Variants in XRN2 observed in about 807,000 individuals in gnomAD.
XRN2 encodes 5'-3' exoribonuclease 2, also known as DHM1-like protein.
In XRN2, 44 loss-of-function variants were observed where a neutral mutation model predicts 138.5. That is an observed-to-expected ratio of 0.32 (90% CI 0.25 to 0.41). The LOEUF (loss-of-function observed/expected upper bound fraction) is 0.41, where lower values mean the gene tolerates loss of function less well. XRN2 is among the 10% of genes least tolerant of loss of function. The probability of loss-of-function intolerance (pLI) is 1.00; values close to 1 mark genes in which losing one functional copy is unlikely to be tolerated. For synonymous variants in XRN2, 354 were observed against 369.4 expected (o/e 0.96, Z 0.48); for missense variants, 937 against 1,169.3 (o/e 0.80, Z 2.90).
intron 27 of XRN2, among the ~76,000 whole-genome samples, chr20:21,375,432 A>G (rs1285046289): frequency 6.6e-6 from 1 of 151,960 alleles, no homozygotes; most frequent in Non-Finnish European, 1.5e-5. Flanking sequence ...CAATATATGC[A>G]CTTCAGTGTT....
intron 20 of XRN2, among the ~76,000 whole-genome samples, chr20:21,352,194 T>A (rs1844009546): frequency 6.6e-6 from 1 of 152,218 alleles, no homozygotes; most frequent in Non-Finnish European, 1.5e-5. Flanking sequence ...CTCATACATG[T>A]TTTTAAAACT....
intron 1 of XRN2, among the ~76,000 whole-genome samples, chr20:21,316,656 G>A (rs952701865): frequency 7.2e-5 from 11 of 152,068 alleles, no homozygotes; most frequent in Admixed American, 3.9e-4. Context: ...GTTTATCCTT[G>A]TCCCAGTACC....
chr20:21,352,915 C>T (rs1380981104), intron 20 of XRN2, among the ~76,000 whole-genome samples: 1 of 151,788 alleles, frequency 6.6e-6, no homozygotes, highest in African/African-American at 2.4e-5. Flanking sequence ...AAGAAGTGTT[C>T]AGAAAACAGT....
At chr20:21,356,516 A>C (rs1600704603) in intron 22 of XRN2, 70 bp from the exon 23 acceptor site, 2 of 1,401,184 alleles carry the variant, frequency 1.4e-6, no homozygotes, top group African/African-American at 2.9e-5. Context: ...TGCTATGAAC[A>C]CTCAAGAATC....
chr20:21,372,670 T>C (rs1383888835), intron 27 of XRN2, among the ~76,000 whole-genome samples: 1 of 152,178 alleles, frequency 6.6e-6, no homozygotes, highest in Non-Finnish European at 1.5e-5. Flanking sequence ...ATATAGTTTT[T>C]TATTGAAATG....
chr20:21,333,890 A>G, intron 11 of XRN2, 47 bp from the exon 12 acceptor site: 2 of 1,614,086 alleles, frequency 1.2e-6, no homozygotes, highest in East Asian at 2.2e-5. Flanking sequence ...TCTTGACTTT[A>G]CTGTGCCTAC....
Position 21,307,460 on chromosome 20 carries a change from C to T in XRN2, c.75+3987C>T, listed in dbSNP as rs1328027960. On this transcript the variant is annotated intron_variant, in intron 1 of 29. Coordinates refer to ENST00000377191, the MANE Select transcript of XRN2 (RefSeq NM_012255.5). The stretch of plus-strand genomic sequence containing the variant: ...CTCTGGCTTTCCTTGAAACCTCCCC[C>T]AACCTTTGGTGTTTTTGCAGCTTTG... 3.9e-5 allele frequency among the ~76,000 whole-genome samples: 3 copies of T among 76,318 alleles called. 1 individual carries two copies. The highest frequency in any genetic ancestry group is 1.1e-4 in the African/African-American group (3 of 27,834). The allele number at this position is 76,318 out of a possible 152,430, so 50.1% of individuals were successfully genotyped here. A position where few individuals can be genotyped will look rare whatever the true frequency, so the allele number is the denominator to read the frequency against.
intron 1 of XRN2, among the ~76,000 whole-genome samples, chr20:21,323,295 G>T (rs1324469601): frequency 6.6e-6 from 1 of 152,128 alleles, no homozygotes; most frequent in African/African-American, 2.4e-5. Flanking sequence ...CAGTAGATTT[G>T]TTTGTTTGTT....
chr20:21,376,760 G>A (rs149775187), intron 27 of XRN2, among the ~76,000 whole-genome samples: 109 of 152,300 alleles, frequency 7.2e-4, no homozygotes, highest in African/African-American at 2.5e-3. Context: ...ATGCCTGGGT[G>A]CTTACTGAGG....
intron 4 of XRN2, among the ~76,000 whole-genome samples, chr20:21,329,304 A>G (rs932055716): frequency 5.9e-5 from 9 of 152,158 alleles, no homozygotes; most frequent in African/African-American, 2.2e-4. Flanking sequence ...TAAGCCTCAG[A>G]GAAAAGGAAG....
intron 27 of XRN2, among the ~76,000 whole-genome samples, chr20:21,380,577 G>A (rs2038872777): frequency 6.6e-6 from 1 of 152,212 alleles, no homozygotes; most frequent in Non-Finnish European, 1.5e-5. Flanking sequence ...GGAGTGTGTA[G>A]TAGTCAGCAT....
Position 21,339,151 on chromosome 20 carries a change from G to A in XRN2, c.1278+63G>A, listed in dbSNP as rs1032358271. On this transcript the variant is annotated intron_variant, in intron 14 of 29. Transcript: ENST00000377191. The stretch of plus-strand genomic sequence containing the variant: ...TAATTTTACAATTTATGAGGAAGAT[G>A]TTCATTACAGTAGCTTTATTCCTTG... The A allele has an allele frequency of 4.7e-6, 7 of 1,478,290 alleles. No homozygotes were observed. The African/African-American group carries it at 9.8e-5, about 21-fold the overall frequency. The allele number at this position is 1,478,290 out of a possible 1,614,324, so 91.6% of individuals were successfully genotyped here. A position where few individuals can be genotyped will look rare whatever the true frequency, so the allele number is the denominator to read the frequency against.
chr20:21,366,612 T>C (rs2038707658), intron 26 of XRN2, among the ~76,000 whole-genome samples: 1 of 151,506 alleles, frequency 6.6e-6, no homozygotes, highest in Non-Finnish European at 1.5e-5. Flanking sequence ...TTCACACATA[T>C]ATTTTTGTCT....
intron 1 of XRN2, among the ~76,000 whole-genome samples, chr20:21,306,955 G>C (rs1029205688): frequency 1.3e-5 from 1 of 76,382 alleles, no homozygotes; most frequent in Admixed American, 1.6e-4. Context: ...GCAGTGAGCC[G>C]AGATCCCGCC....
chr20:21,310,754 AT>A (rs1054098514), intron 1 of XRN2, among the ~76,000 whole-genome samples: 13 of 147,950 alleles, frequency 8.8e-5, no homozygotes, highest in African/African-American at 3.0e-4. Context: ...TTTATTTTTT[AT>A]TTTTTTTGAG....
chr20:21,353,657 T>C (rs1461142056), intron 20 of XRN2, among the ~76,000 whole-genome samples: 1 of 152,002 alleles, frequency 6.6e-6, no homozygotes, highest in Non-Finnish European at 1.5e-5. Context: ...CTGGGTGTGG[T>C]GGTGGCATGT....
Position 21,365,409 on chromosome 20 carries a change from G to C in XRN2, c.2256-12G>C. On this transcript the variant is annotated splice_polypyrimidine_tract_variant and intron_variant, in intron 24 of 29. Transcript: ENST00000377191. Reference sequence around the variant, plus strand: ...TAATCAGATCATTGAATTGTTTCTTGTTCTTTTCCAGTATTAATTTTAAAG... The same window carrying C: ...TAATCAGATCATTGAATTGTTTCTTCTTCTTTTCCAGTATTAATTTTAAAG... 6.2e-7 allele frequency: 1 copy of C among 1,610,864 alleles called. No homozygotes were observed. The highest frequency in any genetic ancestry group is 8.5e-7 in the Non-Finnish European group (1 of 1,178,660).
chr20:21,386,114 A>G (rs546705475), intron 28 of XRN2, among the ~76,000 whole-genome samples: 10 of 152,354 alleles, frequency 6.6e-5, no homozygotes, highest in African/African-American at 2.4e-4. Flanking sequence ...GTTGCTTTGC[A>G]TCTGCAAAGT....
chr20:21,316,713 A>G (rs1361378685), intron 1 of XRN2, among the ~76,000 whole-genome samples: 2 of 152,156 alleles, frequency 1.3e-5, no homozygotes, highest in African/African-American at 2.4e-5. Flanking sequence ...GAATTTGTCA[A>G]TCAGTTTGGG....
Sources: allele counts gnomAD v4.1 joint callset (sites outside exome capture counted in the v4.1 genomes callset), GRCh38; gene constraint gnomAD v4.1.1; transcripts MANE v1.5; gene names NCBI Gene and HGNC (gene_info 2026-07-23, HGNC 2026-07-21).